The following EYA4 variants were observed in gnomAD, a reference collection of about 807,000 sequenced individuals.
EYA4 encodes EYA transcriptional coactivator and phosphatase 4.
A neutral mutation model predicts 87.9 loss-of-function variants in EYA4; 31 were observed. The ratio of observed to expected loss-of-function variants is 0.35; its 90% CI spans 0.27 to 0.48. The LOEUF (loss-of-function observed/expected upper bound fraction) is 0.48, where lower values mean the gene tolerates loss of function less well. Among genes scored for constraint, EYA4 ranks in the 20% least tolerant of loss-of-function variants. The pLI is 0.99. For synonymous variants in EYA4, 263 were observed against 270.6 expected (o/e 0.97, Z 0.28); for missense variants, 678 against 761.4 (o/e 0.89, Z 1.29).
intron 2 of EYA4, among the ~76,000 whole-genome samples, chr6:133,359,439 T>C (rs992735249): frequency 6.6e-6 from 1 of 152,228 alleles, no homozygotes; most frequent in Non-Finnish European, 1.5e-5. Flanking sequence ...TCTTCTGAAT[T>C]CTTATGTCTG....
rs190233227 is a variant in EYA4, at chr6:133,477,087, G to T, written c.971-4376G>T. On this transcript the variant is annotated intron_variant, in intron 11 of 19. Coordinates refer to ENST00000355286, the MANE Select transcript of EYA4 (RefSeq NM_004100.5). ...GTGCCTTGCTTCCCCTTCCCCTTCT[G>T]CCATGATTGTAAGTTTCCTGAGGCT... Among the ~76,000 whole-genome samples, 611 of 152,064 alleles carry T rather than the reference G, an allele frequency of 4.0e-3. 8 individuals carry two copies. Among genetic ancestry groups the T allele is most frequent in the Non-Finnish European group, 5.2e-3 (356 of 67,972 alleles).
intron 13 of EYA4, among the ~76,000 whole-genome samples, chr6:133,495,958 A>G (rs1198657817): frequency 6.6e-6 from 1 of 152,196 alleles, no homozygotes; most frequent in Non-Finnish European, 1.5e-5. Flanking sequence ...AGAAAAGGCC[A>G]TGGTCAAATA....
At chr6:133,376,983 T>C (rs564097756) in intron 2 of EYA4, among the ~76,000 whole-genome samples, 1 of 151,960 alleles carries the variant, frequency 6.6e-6, no homozygotes, top group African/African-American at 2.4e-5. Flanking sequence ...TATTGACCAG[T>C]CCTCTCTACT....
At chr6:133,523,004 A>T in intron 17 of EYA4, 52 bp from the exon 18 acceptor site, 1 of 1,480,666 alleles carries the variant, frequency 6.8e-7, no homozygotes, top group Non-Finnish European at 9.4e-7. Flanking sequence ...TAAATCTATT[A>T]GAAGTTATTT....
chr6:133,482,547 C>T (rs1410110136), intron 12 of EYA4, among the ~76,000 whole-genome samples: 2 of 152,186 alleles, frequency 1.3e-5, no homozygotes, highest in Non-Finnish European at 2.9e-5. Flanking sequence ...TGAAATCCTT[C>T]AAAACTCCAG....
At chr6:133,464,033 A>G (rs1273872182) in intron 9 of EYA4, among the ~76,000 whole-genome samples, 3 of 151,972 alleles carry the variant, frequency 2.0e-5, no homozygotes, top group Non-Finnish European at 4.4e-5. Context: ...ATTACATAAT[A>G]CATTGCTAGT....
intron 13 of EYA4, among the ~76,000 whole-genome samples, chr6:133,492,122 C>T (rs1352548413): frequency 6.6e-6 from 1 of 152,056 alleles, no homozygotes; most frequent in Admixed American, 6.6e-5. Flanking sequence ...GCTATTGTTA[C>T]TCTGATACCA....
chr6:133,433,634 G>A lies in EYA4; in HGVS notation c.84-12996G>A, dbSNP rs761530603. Among the ~76,000 whole-genome samples, 61 of 152,332 alleles carry A rather than the reference G, an allele frequency of 4.0e-4. 1 individual carries two copies. Among genetic ancestry groups the A allele is most frequent in the Admixed American group, 1.2e-3 (19 of 15,304 alleles). On this transcript the variant is annotated intron_variant, in intron 3 of 19. Transcript: ENST00000355286. The stretch of plus-strand genomic sequence containing the variant: ...CTCCCAAAATGCTGGGATTACAGGC[G>A]TGAGCCACTGTGGCTGGCCAACATG...
intron 3 of EYA4, among the ~76,000 whole-genome samples, chr6:133,437,845 C>A (rs1295382716): frequency 6.6e-6 from 1 of 152,176 alleles, no homozygotes; most frequent in Non-Finnish European, 1.5e-5. Context: ...GCCCCTATGA[C>A]TTGATTACCT....
chr6:133,459,512 G>A (rs899960249), intron 6 of EYA4, among the ~76,000 whole-genome samples: 3 of 152,022 alleles, frequency 2.0e-5, no homozygotes, highest in Non-Finnish European at 4.4e-5. Flanking sequence ...CCCAAGTCTT[G>A]AGTGTACCAA....
At chr6:133,512,671 G>GTA (rs1554272856) in intron 14 of EYA4, 50 bp from the exon 15 acceptor site, 2 of 1,416,592 alleles carry the variant, frequency 1.4e-6, no homozygotes, top group South Asian at 2.3e-5. Flanking sequence ...TTCAAGCATG[G>GTA]TAACAAGCAT....
At chr6:133,356,172 G>A (rs1784017067) in intron 2 of EYA4, among the ~76,000 whole-genome samples, 2 of 151,990 alleles carry the variant, frequency 1.3e-5, no homozygotes, top group South Asian at 4.2e-4. Flanking sequence ...CGTCATATAA[G>A]CCTAATTATC....
chr6:133,446,992 C>A (rs1031371929), intron 4 of EYA4, among the ~76,000 whole-genome samples: 1 of 152,166 alleles, frequency 6.6e-6, no homozygotes, highest in Non-Finnish European at 1.5e-5. Context: ...TTTCAAGGGC[C>A]TTGAACAAGG....
At chr6:133,372,171 T>C (rs866334197) in intron 2 of EYA4, among the ~76,000 whole-genome samples, 91 of 152,264 alleles carry the variant, frequency 6.0e-4, no homozygotes, top group African/African-American at 2.1e-3. Flanking sequence ...TCTTAGATTT[T>C]AGTTGAAGTT....
chr6:133,295,711 A>C (rs1778895658), intron 2 of EYA4, among the ~76,000 whole-genome samples: 1 of 152,336 alleles, frequency 6.6e-6, no homozygotes. Context: ...GAAATTAGCA[A>C]ACATGAGATC....
At chr6:133,483,695 A>ATTGTTG (rs61276340) in intron 13 of EYA4, among the ~76,000 whole-genome samples, 2 of 110,972 alleles carry the variant, frequency 1.8e-5, no homozygotes, top group East Asian at 2.6e-4. Flanking sequence ...TATTTATTTC[A>ATTGTTG]TTGTTATTAT....
chr6:133,393,171 G>T (rs1365007334), intron 3 of EYA4, among the ~76,000 whole-genome samples: 1 of 152,168 alleles, frequency 6.6e-6, no homozygotes, highest in Non-Finnish European at 1.5e-5. Flanking sequence ...TAGACTCAGT[G>T]TGAGTAGAAA....
At chr6:133,282,975 A>G (rs141058198) in intron 2 of EYA4, among the ~76,000 whole-genome samples, 66 of 152,264 alleles carry the variant, frequency 4.3e-4, no homozygotes, top group African/African-American at 1.6e-3. Flanking sequence ...TTGTTATCTA[A>G]TAATTCTATC....
At chr6:133,302,513 C>G (rs1050580284) in intron 2 of EYA4, among the ~76,000 whole-genome samples, 1 of 152,160 alleles carries the variant, frequency 6.6e-6, no homozygotes, top group African/African-American at 2.4e-5. Context: ...CTTTGATACT[C>G]TAGAAACAAA....
Sources: gnomAD v4.1 joint callset for allele counts (sites outside exome capture counted in the v4.1 genomes callset) on GRCh38, gnomAD v4.1.1 for gene constraint, MANE v1.5 for transcripts, NCBI Gene and HGNC (gene_info 2026-07-23, HGNC 2026-07-21) for gene names.